GALNT7: variants seen among roughly 807,000 people sequenced by gnomAD.
The protein encoded by GALNT7 is polypeptide N-acetylgalactosaminyltransferase 7, also known as N-acetylgalactosaminyltransferase 7.
A neutral mutation model predicts 82.1 loss-of-function variants in GALNT7; 60 were observed. That is an observed-to-expected ratio of 0.73 (90% CI 0.59 to 0.91). The LOEUF (loss-of-function observed/expected upper bound fraction) is 0.91. GALNT7 is among the 40% of genes least tolerant of loss of function. The pLI, the probability that GALNT7 is intolerant of heterozygous loss-of-function variation, is 0.00. For synonymous variants in GALNT7, 243 were observed against 275.1 expected (o/e 0.88, Z 1.15); for missense variants, 660 against 804.2 (o/e 0.82, Z 2.17).
chr4:173,261,190 C>T (rs1313414391), intron 2 of GALNT7, among the ~76,000 whole-genome samples: 1 of 152,176 alleles, frequency 6.6e-6, no homozygotes, highest in Middle Eastern at 3.2e-3. Context: ...GCTGAAAACA[C>T]AAGATGGGCA....
At chr4:173,309,886 C>T (rs899867789) in intron 8 of GALNT7, among the ~76,000 whole-genome samples, 3 of 152,002 alleles carry the variant, frequency 2.0e-5, no homozygotes, top group Admixed American at 2.0e-4. Flanking sequence ...TTGGACTCAA[C>T]AATCACGAAG....
intron 1 of GALNT7, among the ~76,000 whole-genome samples, chr4:173,231,150 G>A (rs1734019937): frequency 1.3e-5 from 2 of 152,096 alleles, no homozygotes; most frequent in Non-Finnish European, 2.9e-5. Flanking sequence ...TTTTAAAAAT[G>A]TTTTTCCCTT....
chr4:173,183,649 C>G (rs1406862251), intron 1 of GALNT7, among the ~76,000 whole-genome samples: 1 of 152,216 alleles, frequency 6.6e-6, no homozygotes, highest in Admixed American at 6.5e-5. Flanking sequence ...ATGGCCCGTT[C>G]TCAATGAGCT....
At chr4:173,198,845 T>A (rs1441428850) in intron 1 of GALNT7, among the ~76,000 whole-genome samples, 1 of 152,102 alleles carries the variant, frequency 6.6e-6, no homozygotes, top group Non-Finnish European at 1.5e-5. Flanking sequence ...TTGAATATAA[T>A]AAATCAGTGT....
chr4:173,321,844 C>G lies in GALNT7; in HGVS notation c.*127C>G. 6.4e-6 allele frequency: 4 copies of G among 622,646 alleles called. No individual in the cohort carries two copies. The highest frequency in any genetic ancestry group is 4.0e-5 in the South Asian group (2 of 50,554). The allele number at this position is 622,646 out of a possible 1,614,324, so 38.6% of individuals were successfully genotyped here. A position where few individuals can be genotyped will look rare whatever the true frequency, so the allele number is the denominator to read the frequency against. On this transcript the variant is annotated 3_prime_UTR_variant, in exon 12 of 12. Coordinates refer to ENST00000265000, the MANE Select transcript of GALNT7 (RefSeq NM_017423.3). ...AGCTCCAAACCTGGAACCTCCTGAT[C>G]AGTTTGAAGGACATTGATAAACTGT...
At chr4:173,291,270 T>C (rs1736522226) in intron 2 of GALNT7, among the ~76,000 whole-genome samples, 1 of 152,188 alleles carries the variant, frequency 6.6e-6, no homozygotes, top group African/African-American at 2.4e-5. Context: ...TCCTCACCCA[T>C]CTAAAATTAG....
At chr4:173,311,390 A>T (rs1737375116) in intron 8 of GALNT7, among the ~76,000 whole-genome samples, 1 of 152,234 alleles carries the variant, frequency 6.6e-6, no homozygotes, top group Non-Finnish European at 1.5e-5. Context: ...CTATAAAGAT[A>T]TACTTGAGAC....
chr4:173,309,200 T>C (rs1012121876), intron 8 of GALNT7, among the ~76,000 whole-genome samples: 5 of 152,206 alleles, frequency 3.3e-5, no homozygotes, highest in Admixed American at 3.3e-4. Context: ...CCTCCCGGGC[T>C]TCTTTCCCAG....
In GALNT7 at chr4:173,302,504, A is replaced by G. The variant is rs143141014; in HGVS notation, c.1266+340A>G. Among the ~76,000 whole-genome samples, 305 of 152,282 alleles carry G rather than the reference A, an allele frequency of 2.0e-3. 1 individual carries two copies. The highest frequency in any genetic ancestry group is 6.9e-3 in the African/African-American group (285 of 41,550). ...TCTGCATGCGTTAGGGCCACAATTG[A>G]CCACCCACTGACACAGTCACCCTTT... On this transcript the variant is annotated intron_variant, in intron 7 of 11. Coordinates refer to ENST00000265000, the MANE Select transcript of GALNT7 (RefSeq NM_017423.3). This position sits in a 1 kb window ranked among gnomAD's most constrained non-coding sequence, Gnocchi z 4.2.
intron 1 of GALNT7, among the ~76,000 whole-genome samples, chr4:173,231,155 T>A (rs1734020217): frequency 6.6e-6 from 1 of 152,184 alleles, no homozygotes; most frequent in East Asian, 1.9e-4. Flanking sequence ...AAAATGTTTT[T>A]CCCTTTATTT....
intron 1 of GALNT7, among the ~76,000 whole-genome samples, chr4:173,214,866 C>G (rs1733390552): frequency 6.6e-6 from 1 of 151,340 alleles, no homozygotes; most frequent in South Asian, 2.1e-4. Flanking sequence ...AAATGTTACT[C>G]AAAACCTCTC....
chr4:173,313,067 A>AT (rs1286907598), intron 8 of GALNT7, among the ~76,000 whole-genome samples: 1 of 149,194 alleles, frequency 6.7e-6, no homozygotes, highest in Non-Finnish European at 1.5e-5. Flanking sequence ...TCAAAAATAT[A>AT]TATTTTTTTT....
intron 8 of GALNT7, among the ~76,000 whole-genome samples, chr4:173,309,314 T>C (rs570480134): frequency 8.7e-4 from 132 of 152,280 alleles, no homozygotes; most frequent in Non-Finnish European, 1.1e-3. Context: ...AAATGAGATA[T>C]GTCATAGTCG....
At chr4:173,309,470 G>T (rs900065730) in intron 8 of GALNT7, among the ~76,000 whole-genome samples, 2 of 152,318 alleles carry the variant, frequency 1.3e-5, no homozygotes, top group Middle Eastern at 3.4e-3. Context: ...ACACTTAGGG[G>T]TGGCATTTAT....
intron 1 of GALNT7, among the ~76,000 whole-genome samples, chr4:173,173,243 C>CT (rs749088078): frequency 3.0e-4 from 42 of 141,118 alleles, no homozygotes; most frequent in Admixed American, 5.7e-4. Context: ...TTATGGGAAG[C>CT]TTTTTTTTTT....
chr4:173,302,248 G>A lies in GALNT7; in HGVS notation c.1266+84G>A. On this transcript the variant is annotated intron_variant, in intron 7 of 11. Coordinates refer to ENST00000265000, the MANE Select transcript of GALNT7 (RefSeq NM_017423.3). The surrounding 1 kb of genome is among the most constrained non-coding windows in gnomAD (Gnocchi z 4.2). ...CAGATAAAGCTAGTTTTTTGTGGGGGAAAAAAGCCCACAATTATATCATGC... is the reference window on the plus strand; with the variant it reads ...CAGATAAAGCTAGTTTTTTGTGGGGAAAAAAAGCCCACAATTATATCATGC... 1.3e-6 allele frequency: 1 copy of A among 754,390 alleles called. No homozygotes were observed. Among genetic ancestry groups the A allele is most frequent in the African/African-American group, 1.8e-5 (1 of 56,898 alleles). 46.7% of individuals were successfully genotyped at this position (754,390 alleles called of 1,614,324 possible).
chr4:173,323,950 A>G lies in GALNT7; in HGVS notation c.*2233A>G, dbSNP rs1295502430. ...TTGTTTTTTAGGTGACAAAAATAAA[A>G]TATTGTATTTTAATTCATGGGTTTT... On this transcript the variant is annotated 3_prime_UTR_variant, in exon 12 of 12. Transcript: ENST00000265000. 6.6e-6 allele frequency: 1 copy of G among 152,436 alleles called. No homozygotes were observed. The highest frequency in any genetic ancestry group is 1.5e-5 in the Non-Finnish European group (1 of 67,994). 9.4% of individuals were successfully genotyped at this position (152,436 alleles called of 1,614,324 possible).
chr4:173,250,908 C>T (rs1262655355), intron 2 of GALNT7, among the ~76,000 whole-genome samples: 1 of 152,186 alleles, frequency 6.6e-6, no homozygotes, highest in Non-Finnish European at 1.5e-5. Context: ...TCCTTCCCAT[C>T]CTTTAGGCCT....
chr4:173,307,405 G>C (rs936112244), intron 8 of GALNT7, among the ~76,000 whole-genome samples: 7 of 152,248 alleles, frequency 4.6e-5, no homozygotes, highest in Non-Finnish European at 1.5e-5. Flanking sequence ...AGCTGAAGTA[G>C]CCAAGAATGG....
Sources: gnomAD v4.1 joint callset for allele counts (sites outside exome capture counted in the v4.1 genomes callset) on GRCh38, gnomAD v4.1.1 for gene constraint, Gnocchi (gnomAD v3.1) non-coding constraint, MANE v1.5 for transcripts, NCBI Gene and HGNC (gene_info 2026-07-23, HGNC 2026-07-21) for gene names.